PCDH7: variants seen among roughly 807,000 people sequenced by gnomAD.
PCDH7 encodes protocadherin-7.
Under a neutral mutation model 58.9 loss-of-function variants are expected in PCDH7, and 17 were observed. That is an observed-to-expected ratio of 0.29 (90% CI 0.20 to 0.43). The LOEUF is 0.43. Ranked by LOEUF, PCDH7 falls within the 20% of genes least tolerant of loss-of-function variation. PCDH7 has a pLI of 1.00. For missense variants in PCDH7, 1,274 were observed against 1,441.0 expected (o/e 0.88, Z 1.88); for synonymous variants, 664 against 616.4 (o/e 1.08, Z -1.14).
intron 2 of PCDH7, among the ~76,000 whole-genome samples, chr4:30,943,360 C>T (rs143367650): frequency 0.012 from 1,793 of 152,238 alleles, 28 homozygotes; most frequent in African/African-American, 0.041. Flanking sequence ...TTTCATCTCA[C>T]TTAATTCTCA....
intron 1 of PCDH7, among the ~76,000 whole-genome samples, chr4:30,814,585 T>TATAA: frequency 6.6e-6 from 1 of 152,220 alleles, no homozygotes; most frequent in East Asian, 1.9e-4. Context: ...TTTCTCTTTA[T>TATAA]ATAAGGAAGC....
intron 1 of PCDH7, among the ~76,000 whole-genome samples, chr4:30,889,047 G>A (rs1399527832): frequency 2.7e-5 from 4 of 150,664 alleles, no homozygotes; most frequent in African/African-American, 2.4e-5. Context: ...CAGGCTTGGC[G>A]GTGCATGCCT....
intron 3 of PCDH7, among the ~76,000 whole-genome samples, chr4:30,993,019 G>A (rs1331600532): frequency 1.3e-5 from 2 of 151,934 alleles, no homozygotes; most frequent in Admixed American, 6.6e-5. Flanking sequence ...GGCTGGTCTC[G>A]AACTCCTCAC....
chr4:31,044,919 G>A (rs796232352), intron 3 of PCDH7, among the ~76,000 whole-genome samples: 11 of 152,030 alleles, frequency 7.2e-5, no homozygotes, highest in African/African-American at 2.6e-4. Flanking sequence ...GTGACTTTTG[G>A]ACCCTGACTT....
chr4:31,103,612 C>T (rs1479738721), intron 3 of PCDH7, among the ~76,000 whole-genome samples: 1 of 152,134 alleles, frequency 6.6e-6, no homozygotes, highest in Non-Finnish European at 1.5e-5. Context: ...GCTGGGATTA[C>T]AAGCATGAGC....
At chr4:30,803,795 G>C (rs1306555768) in intron 1 of PCDH7, among the ~76,000 whole-genome samples, 1 of 152,146 alleles carries the variant, frequency 6.6e-6, no homozygotes, top group Non-Finnish European at 1.5e-5. Flanking sequence ...ACAGCTAGAA[G>C]GTTTGATTGT....
intron 3 of PCDH7, among the ~76,000 whole-genome samples, chr4:31,015,293 G>T (rs1439195426): frequency 6.6e-6 from 1 of 152,008 alleles, no homozygotes; most frequent in South Asian, 2.1e-4. Context: ...AATCCACATC[G>T]CACTTTATGA....
At chr4:31,100,529 C>T (rs753877052) in intron 3 of PCDH7, among the ~76,000 whole-genome samples, 1 of 152,130 alleles carries the variant, frequency 6.6e-6, no homozygotes, top group Non-Finnish European at 1.5e-5. Flanking sequence ...GCTTTTCTTG[C>T]GTGGTAAGCA....
chr4:30,951,628 G>A (rs535511808), intron 3 of PCDH7, among the ~76,000 whole-genome samples: 2 of 152,146 alleles, frequency 1.3e-5, no homozygotes, highest in African/African-American at 2.4e-5. Flanking sequence ...CAGCAACCAT[G>A]TACTGAGGAT....
intron 3 of PCDH7, among the ~76,000 whole-genome samples, chr4:31,011,138 G>C (rs1416941463): frequency 6.6e-6 from 1 of 151,892 alleles, no homozygotes; most frequent in Non-Finnish European, 1.5e-5. Context: ...GCAGACAGTA[G>C]GTTCTATAGA....
chr4:31,000,912 T>C (rs1285150465), intron 3 of PCDH7, among the ~76,000 whole-genome samples: 1 of 152,150 alleles, frequency 6.6e-6, no homozygotes, highest in Admixed American at 6.5e-5. Context: ...GCATATTTTA[T>C]ACAGTTTAGA....
chr4:30,736,886 A>G (rs1333741876), downstream of PCDH7, among the ~76,000 whole-genome samples: 12 of 152,180 alleles, frequency 7.9e-5, no homozygotes, highest in Admixed American at 7.2e-4. Flanking sequence ...TCAGAAAATC[A>G]GTTCTAGGAA....
intron 3 of PCDH7, among the ~76,000 whole-genome samples, chr4:30,960,147 A>AGGGAGGGAGGGAGGGAGGGAGGG (rs1578418325): frequency 7.2e-5 from 1 of 13,924 alleles, no homozygotes; most frequent in African/African-American, 8.0e-4. Context: ...GGAAGGAAGG[A>AGGGAGGGAGGGAGGGAGGGAGGG]AGGAAGGGAG....
intron 1 of PCDH7, among the ~76,000 whole-genome samples, chr4:30,896,889 CTTTTTTTTTTT>C (rs71190474): frequency 3.7e-4 from 10 of 27,342 alleles, no homozygotes; most frequent in South Asian, 3.6e-3. Flanking sequence ...TAGTTCTTTG[CTTTTTTTTTTT>C]TTTTTTTTTT....
exon 2 of PCDH7, chr4:30,920,196 A>C (rs1743007850): frequency 7.3e-7 from 1 of 1,367,632 alleles, no homozygotes; most frequent in Non-Finnish European, 9.8e-7. Flanking sequence ...CAGCCTCAGG[A>C]CCCACATCAG....
intron 3 of PCDH7, among the ~76,000 whole-genome samples, chr4:31,032,222 C>T (rs1754988003): frequency 6.6e-6 from 1 of 152,154 alleles, no homozygotes; most frequent in African/African-American, 2.4e-5. Flanking sequence ...AAATTATACG[C>T]AAGATCATAC....
intron 3 of PCDH7, among the ~76,000 whole-genome samples, chr4:30,955,889 T>G (rs1431427546): frequency 3.3e-5 from 5 of 151,626 alleles, no homozygotes; most frequent in Non-Finnish European, 7.4e-5. Context: ...GCAAGTTAGA[T>G]AAAATGAATT....
chr4:30,877,284 G>A (rs1736414786), intron 1 of PCDH7, among the ~76,000 whole-genome samples: 1 of 152,026 alleles, frequency 6.6e-6, no homozygotes, highest in Admixed American at 6.6e-5. Flanking sequence ...CTATTAGGGA[G>A]GACAAGAACT....
intron 3 of PCDH7, among the ~76,000 whole-genome samples, chr4:31,013,014 C>T (rs1174903368): frequency 6.7e-6 from 1 of 148,974 alleles, no homozygotes; most frequent in Non-Finnish European, 1.5e-5. Context: ...GAGATGGTCT[C>T]TACAAAATAT....
Sources: gnomAD v4.1 joint callset for allele counts (sites outside exome capture counted in the v4.1 genomes callset) on GRCh38, gnomAD v4.1.1 for gene constraint, MANE v1.5 for transcripts, NCBI Gene and HGNC (gene_info 2026-07-23, HGNC 2026-07-21) for gene names.